PPFIBP1: variants seen among roughly 807,000 people sequenced by gnomAD.
PPFIBP1 encodes liprin-beta-1.
Under a neutral mutation model 137.8 loss-of-function variants are expected in PPFIBP1, and 112 were observed. That is an observed-to-expected ratio of 0.81 (90% CI 0.70 to 0.95). The LOEUF is 0.95. PPFIBP1 is among the 40% of genes least tolerant of loss of function. The pLI is 0.00. For synonymous variants in PPFIBP1, 378 were observed against 417.3 expected, an observed-to-expected ratio of 0.91 and a Z score of 1.15; for missense variants, 1,083 against 1,196.6, an observed-to-expected ratio of 0.91 and a Z score of 1.40.
At chr12:27,638,498 G>C (rs10842962) in intron 4 of PPFIBP1, among the ~76,000 whole-genome samples, 1 of 151,520 alleles carries the variant, frequency 6.6e-6, no homozygotes, top group Admixed American at 6.6e-5. Context: ...TCTGTGTCTT[G>C]GTTTTCTGGT....
At chr12:27,686,224 TTTTTATTAAATATTTC>T (rs2061193614) in intron 24 of PPFIBP1, among the ~76,000 whole-genome samples, 1 of 152,216 alleles carries the variant, frequency 6.6e-6, no homozygotes, top group Non-Finnish European at 1.5e-5. Flanking sequence ...CTGATTAATA[TTTTTATTAAATATTTC>T]TGTAGTAGAT....
At chr12:27,680,094 T>C (rs1351444719) in intron 21 of PPFIBP1, 33 bp downstream of exon 21, 2 of 1,611,060 alleles carry the variant, frequency 1.2e-6, no homozygotes, top group Admixed American at 1.7e-5. Context: ...CTTTTGCATC[T>C]CTACCAAGCA....
chr12:27,650,368 T>C (rs1181912388), intron 7 of PPFIBP1, among the ~76,000 whole-genome samples: 1 of 152,274 alleles, frequency 6.6e-6, no homozygotes, highest in Non-Finnish European at 1.5e-5. Context: ...ACTTTTGATA[T>C]GAAGTATTAA....
chr12:27,682,414 C>T lies in PPFIBP1; in HGVS notation c.2074C>T (p.Arg692Ter), dbSNP rs753382703. The T allele has an allele frequency of 5.0e-6, 8 of 1,613,218 alleles. No individual in the cohort carries two copies. Among genetic ancestry groups the T allele is most frequent in the African/African-American group, 1.3e-5 (1 of 74,914 alleles). ...ACTTGGAATCAAGCATTCACTTCAT[C>T]GAAAGAAACTCCAGCTAGCACTCCA... is the stretch of plus-strand genomic sequence containing the variant. The part of the protein sequence containing the change: ...KELGIKHSLH[R>*]KKLQLALQAL... The change falls in exon 23 of 30, where the codon CGA (arginine) becomes TGA (stop). Residue 692 changes from arginine to a stop codon, truncating the protein, a stop_gained. Transcript: ENST00000228425. LOFTEE classifies it high-confidence loss of function.
At chr12:27,646,619 T>G (rs2058517425) in intron 5 of PPFIBP1, among the ~76,000 whole-genome samples, 1 of 152,150 alleles carries the variant, frequency 6.6e-6, no homozygotes, top group African/African-American at 2.4e-5. Context: ...TCTGAATATA[T>G]GTAAGTTTAT....
At chr12:27,597,065 G>A (rs1362596408) in intron 2 of PPFIBP1, among the ~76,000 whole-genome samples, 13 of 152,310 alleles carry the variant, frequency 8.5e-5, no homozygotes, top group African/African-American at 1.2e-4. Context: ...GAGGGGAACC[G>A]CATGTTCTAA....
At chr12:27,569,064 A>C (rs1183701197) in intron 1 of PPFIBP1, among the ~76,000 whole-genome samples, 1 of 152,130 alleles carries the variant, frequency 6.6e-6, no homozygotes, top group Non-Finnish European at 1.5e-5. Context: ...TCTTCCCTGC[A>C]TTCTCACTGC....
intron 8 of PPFIBP1, chr12:27,655,242 T>C (rs1289185763): frequency 1.3e-6 from 2 of 1,511,068 alleles, no homozygotes; most frequent in Non-Finnish European, 1.8e-6. Flanking sequence ...GAAGGTGTAG[T>C]AGACGTTGGG....
intron 1 of PPFIBP1, among the ~76,000 whole-genome samples, chr12:27,575,152 A>T (rs1334979311): frequency 6.6e-6 from 1 of 152,202 alleles, no homozygotes; most frequent in Non-Finnish European, 1.5e-5. Flanking sequence ...TGTGGATCTT[A>T]TGGTCTCTGT....
intron 1 of PPFIBP1, among the ~76,000 whole-genome samples, chr12:27,526,163 A>T (rs1024681733): frequency 6.6e-6 from 1 of 152,186 alleles, no homozygotes; most frequent in Admixed American, 6.5e-5. Context: ...TCCTTGGCTG[A>T]TAGTGTTCCA....
intron 11 of PPFIBP1, among the ~76,000 whole-genome samples, chr12:27,663,395 T>C (rs939740247): frequency 2.6e-5 from 4 of 152,194 alleles, no homozygotes; most frequent in Non-Finnish European, 5.9e-5. Flanking sequence ...TAGCATTTTA[T>C]AGTCCAAGAA....
intron 1 of PPFIBP1, among the ~76,000 whole-genome samples, chr12:27,530,742 G>A (rs1435614253): frequency 2.0e-5 from 3 of 152,192 alleles, no homozygotes; most frequent in African/African-American, 7.2e-5. Flanking sequence ...CTGATGAGAT[G>A]TAAATAGCTG....
chr12:27,641,038 G>C (rs1050933361), intron 4 of PPFIBP1, among the ~76,000 whole-genome samples: 1 of 152,126 alleles, frequency 6.6e-6, no homozygotes, highest in Non-Finnish European at 1.5e-5. Flanking sequence ...TCAAGACTGC[G>C]TGACAATTTT....
intron 2 of PPFIBP1, among the ~76,000 whole-genome samples, chr12:27,594,704 G>A (rs1195812118): frequency 6.6e-6 from 1 of 152,166 alleles, no homozygotes; most frequent in Non-Finnish European, 1.5e-5. Context: ...TTGGAAAAAT[G>A]TAGAAAAGTA....
At chr12:27,642,624 G>A (rs1363163552) in intron 4 of PPFIBP1, among the ~76,000 whole-genome samples, 1 of 152,162 alleles carries the variant, frequency 6.6e-6, no homozygotes, top group Non-Finnish European at 1.5e-5. Context: ...TCAGCCCGTA[G>A]ATGGGGAAAG....
At chr12:27,587,872 C>T (rs1257751776) in intron 2 of PPFIBP1, among the ~76,000 whole-genome samples, 1 of 152,042 alleles carries the variant, frequency 6.6e-6, no homozygotes, top group Non-Finnish European at 1.5e-5. Context: ...ATATCCTTTA[C>T]TATAGTTTTT....
intron 1 of PPFIBP1, among the ~76,000 whole-genome samples, chr12:27,550,993 T>TATATATATA (rs1565751277): frequency 1.5e-3 from 142 of 93,994 alleles, no homozygotes; most frequent in African/African-American, 3.9e-3. Flanking sequence ...ATATATATAT[T>TATATATATA]TTTTTTTTTT....
intron 2 of PPFIBP1, among the ~76,000 whole-genome samples, chr12:27,581,435 G>A (rs1467892135): frequency 6.6e-6 from 1 of 152,218 alleles, no homozygotes; most frequent in African/African-American, 2.4e-5. Flanking sequence ...AAGGAAGGCT[G>A]TGGGACTGTA....
At chr12:27,601,811 C>T (rs1038111447) in intron 2 of PPFIBP1, among the ~76,000 whole-genome samples, 37 of 152,236 alleles carry the variant, frequency 2.4e-4, no homozygotes, top group Non-Finnish European at 1.5e-5. Flanking sequence ...TTCTGCCACA[C>T]ATATAAACAT....
Sources: gnomAD v4.1 joint callset for allele counts (sites outside exome capture counted in the v4.1 genomes callset) on GRCh38, gnomAD v4.1.1 for gene constraint, MANE v1.5 for transcripts, NCBI Gene and HGNC (gene_info 2026-07-23, HGNC 2026-07-21) for gene names.